MSRA: variants seen among roughly 807,000 people sequenced by gnomAD.
MSRA encodes mitochondrial peptide methionine sulfoxide reductase.
A neutral mutation model predicts 31.3 loss-of-function variants in MSRA; 54 were observed. That is an observed-to-expected ratio of 1.73 (90% CI 1.39 to 2.17). The LOEUF is 2.17. Ranked by LOEUF, MSRA falls within the 30% of genes most tolerant of loss-of-function variation. The pLI is 0.00. For synonymous variants in MSRA, 169 were observed against 116.5 expected (o/e 1.45, Z -2.90); for missense variants, 507 against 300.9 (o/e 1.69, Z -5.07).
chr8:10,316,128 A>G (rs1267962419), intron 4 of MSRA, among the ~76,000 whole-genome samples: 2 of 152,236 alleles, frequency 1.3e-5, no homozygotes, highest in South Asian at 2.1e-4. Flanking sequence ...GAAAAAATGC[A>G]AAGAACATTG....
intron 2 of MSRA, among the ~76,000 whole-genome samples, chr8:10,213,736 A>G (rs187342531): frequency 1.1e-4 from 16 of 152,068 alleles, no homozygotes; most frequent in African/African-American, 3.6e-4. Context: ...GTGGATGGAC[A>G]CTTAGGTTGC....
intron 1 of MSRA, among the ~76,000 whole-genome samples, chr8:10,082,036 G>C (rs1279788540): frequency 1.3e-5 from 2 of 152,050 alleles, no homozygotes; most frequent in East Asian, 3.9e-4. Flanking sequence ...ACCCCCAACA[G>C]TACAAAAATA....
intron 3 of MSRA, among the ~76,000 whole-genome samples, chr8:10,293,045 G>C (rs530650585): frequency 4.6e-5 from 7 of 152,180 alleles, no homozygotes; most frequent in African/African-American, 1.7e-4. Flanking sequence ...GGTTGTCTCC[G>C]TCCCTCGTGA....
intron 2 of MSRA, among the ~76,000 whole-genome samples, chr8:10,218,241 G>T (rs1472967262): frequency 1.3e-5 from 2 of 151,822 alleles, no homozygotes; most frequent in Non-Finnish European, 2.9e-5. Flanking sequence ...CTGCCTCCCA[G>T]GTTCAAGCGA....
intron 5 of MSRA, among the ~76,000 whole-genome samples, chr8:10,363,738 CCACA>C (rs71203319): frequency 0.012 from 1,217 of 103,352 alleles, 16 homozygotes; most frequent in African/African-American, 0.036. Flanking sequence ...GATGCAGTCA[CCACA>C]CACACACACA....
chr8:10,378,276 T>A (rs1213629837), intron 5 of MSRA, among the ~76,000 whole-genome samples: 1 of 152,136 alleles, frequency 6.6e-6, no homozygotes, highest in Non-Finnish European at 1.5e-5. Context: ...GCAGCCTGCG[T>A]TCCTTCTGGA....
At chr8:10,299,310 A>AT (rs1019963801) in intron 3 of MSRA, among the ~76,000 whole-genome samples, 21 of 152,248 alleles carry the variant, frequency 1.4e-4, no homozygotes, top group Admixed American at 1.2e-3. Context: ...ACATATTACC[A>AT]TTTTTAATAT....
chr8:10,149,791 A>T (rs1207293601), intron 1 of MSRA, among the ~76,000 whole-genome samples: 1 of 24,282 alleles, frequency 4.1e-5, no homozygotes, highest in Non-Finnish European at 1.1e-4. Context: ...TGGTATGGAA[A>T]TGACTAATAT....
intron 5 of MSRA, among the ~76,000 whole-genome samples, chr8:10,358,172 G>C (rs1435572804): frequency 6.6e-6 from 1 of 152,138 alleles, no homozygotes; most frequent in Admixed American, 6.5e-5. Context: ...CGGGTGATCT[G>C]TCCACCTTGG....
At chr8:10,149,248 A>T in intron 1 of MSRA, among the ~76,000 whole-genome samples, 1 of 151,920 alleles carries the variant, frequency 6.6e-6, no homozygotes, top group African/African-American at 2.4e-5. Context: ...CAGCCTCCCA[A>T]GTATCTGGGA....
Position 10,213,210 on chromosome 8 carries a change from G to C in MSRA, c.211+5309G>C, listed in dbSNP as rs147504072. 6.2e-4 allele frequency among the ~76,000 whole-genome samples: 95 copies of C among 152,034 alleles called. 1 individual carries two copies. The highest frequency in any genetic ancestry group is 2.1e-3 in the African/African-American group (89 of 41,450). Reference sequence around the variant, plus strand: ...GTACCCCTACTACCTACCCTTCCCAGCCTTTGGTAACCATCATTCTACTCT... The same window carrying C: ...GTACCCCTACTACCTACCCTTCCCACCCTTTGGTAACCATCATTCTACTCT... On this transcript the variant is annotated intron_variant, in intron 2 of 5. Coordinates refer to ENST00000317173, the MANE Select transcript of MSRA (RefSeq NM_012331.5).
At chr8:10,152,822 C>G (rs564690279) in intron 1 of MSRA, among the ~76,000 whole-genome samples, 1 of 152,096 alleles carries the variant, frequency 6.6e-6, no homozygotes, top group Non-Finnish European at 1.5e-5. Flanking sequence ...TAGTATTCAG[C>G]CTTAAAAAGG....
intron 3 of MSRA, among the ~76,000 whole-genome samples, chr8:10,295,636 T>G (rs573634666): frequency 6.6e-6 from 1 of 152,304 alleles, no homozygotes; most frequent in African/African-American, 2.4e-5. Context: ...ACTTGGGGTG[T>G]CATTCTCAAC....
chr8:10,234,455 A>AT (rs1027791692), intron 2 of MSRA, among the ~76,000 whole-genome samples: 7 of 151,500 alleles, frequency 4.6e-5, no homozygotes, highest in South Asian at 4.2e-4. Flanking sequence ...AGAAGAACAG[A>AT]TTTTTTTTTC....
At chr8:10,282,005 T>C (rs1195197321) in intron 3 of MSRA, among the ~76,000 whole-genome samples, 2 of 152,220 alleles carry the variant, frequency 1.3e-5, no homozygotes, top group Non-Finnish European at 2.9e-5. Flanking sequence ...TAGTTTTGTG[T>C]AATAGCAGTG....
intron 5 of MSRA, among the ~76,000 whole-genome samples, chr8:10,364,575 G>C (rs1257326265): frequency 6.6e-6 from 1 of 152,224 alleles, no homozygotes. Context: ...AATATCAAGA[G>C]TTCCTGTTCT....
chr8:10,253,040 A>G (rs1797998199), intron 3 of MSRA, among the ~76,000 whole-genome samples: 1 of 152,202 alleles, frequency 6.6e-6, no homozygotes, highest in Non-Finnish European at 1.5e-5. Flanking sequence ...TTGCCCAGTT[A>G]TTTAAATCCA....
chr8:10,242,482 C>A (rs193277694), intron 2 of MSRA, among the ~76,000 whole-genome samples: 68 of 152,208 alleles, frequency 4.5e-4, no homozygotes, highest in African/African-American at 1.6e-3. Context: ...TGGCAAACTT[C>A]TGATTCTTGA....
At chr8:10,241,002 C>G (rs1216396425) in intron 2 of MSRA, among the ~76,000 whole-genome samples, 1 of 152,084 alleles carries the variant, frequency 6.6e-6, no homozygotes, top group East Asian at 1.9e-4. Context: ...TCTGGTCCTG[C>G]TTGTGCATGA....
Sources: gnomAD v4.1 joint callset for allele counts (sites outside exome capture counted in the v4.1 genomes callset) on GRCh38, gnomAD v4.1.1 for gene constraint, MANE v1.5 for transcripts, NCBI Gene and HGNC (gene_info 2026-07-23, HGNC 2026-07-21) for gene names.